Variants in MIS18BP1 observed in about 807,000 individuals in gnomAD.
MIS18BP1 encodes MIS18 binding protein 1, also known as mis18-binding protein 1.
Under a neutral mutation model 116.1 loss-of-function variants are expected in MIS18BP1, and 72 were observed. The observed-to-expected ratio is 0.62, with a 90% CI of 0.51 to 0.75. The LOEUF (loss-of-function observed/expected upper bound fraction) is 0.75, where lower values mean the gene tolerates loss of function less well. MIS18BP1 is among the 30% of genes least tolerant of loss of function. The probability of loss-of-function intolerance (pLI) is 0.00; values close to 1 mark genes in which losing one functional copy is unlikely to be tolerated. For synonymous variants in MIS18BP1, 386 were observed against 427.0 expected, an observed-to-expected ratio of 0.90 and a Z score of 1.18; for missense variants, 1,363 against 1,303.2, an observed-to-expected ratio of 1.05 and a Z score of -0.71.
At chr14:45,232,282 T>C (rs987658390) in intron 7 of MIS18BP1, among the ~76,000 whole-genome samples, 1 of 151,654 alleles carries the variant, frequency 6.6e-6, no homozygotes, top group Non-Finnish European at 1.5e-5. Flanking sequence ...CCAGGTGTGG[T>C]GGCGGGCGCC....
At chr14:45,240,339 G>GT (rs1188456838) in intron 4 of MIS18BP1, among the ~76,000 whole-genome samples, 3 of 152,128 alleles carry the variant, frequency 2.0e-5, no homozygotes, top group African/African-American at 4.8e-5. Context: ...AATATAAAGC[G>GT]TAACACTTCT....
At chr14:45,218,214 T>C (rs1890874377) in intron 12 of MIS18BP1, 68 bp downstream of exon 12, 2 of 1,435,008 alleles carry the variant, frequency 1.4e-6, no homozygotes, top group African/African-American at 1.4e-5. Flanking sequence ...ATATAAAATA[T>C]ATCTGATTTC....
Position 45,211,628 on chromosome 14 carries a change from G to A in MIS18BP1, c.3004-1100C>T, listed in dbSNP as rs117393296. On this transcript the variant is annotated intron_variant, in intron 13 of 16. Transcript: ENST00000310806. Reference sequence around the variant, plus strand: ...GTTATATTGGCTTCTTTTTACAAGCGGCAAGTAGTTGGACCCCTATTGCTG... The same window carrying A: ...GTTATATTGGCTTCTTTTTACAAGCAGCAAGTAGTTGGACCCCTATTGCTG... Among the ~76,000 whole-genome samples, 1,370 of 152,224 alleles carry A rather than the reference G, an allele frequency of 9.0e-3. 7 individuals carry two copies. Among genetic ancestry groups the A allele is most frequent in the Middle Eastern group, 0.014 (4 of 294 alleles).
chr14:45,237,330 T>C (rs983059764), intron 5 of MIS18BP1, among the ~76,000 whole-genome samples: 2 of 152,188 alleles, frequency 1.3e-5, no homozygotes, highest in Non-Finnish European at 1.5e-5. Flanking sequence ...CTGAAATGCA[T>C]GTAGTAAATA....
chr14:45,217,299 T>C, intron 12 of MIS18BP1, 120 bp from the exon 13 acceptor site: 1 of 1,222,316 alleles, frequency 8.2e-7, no homozygotes, highest in Non-Finnish European at 1.1e-6. Flanking sequence ...ACCAAAAAAC[T>C]CAGCCTTGGC....
intron 4 of MIS18BP1, among the ~76,000 whole-genome samples, chr14:45,241,026 G>A (rs377085026): frequency 6.6e-5 from 10 of 152,194 alleles, no homozygotes; most frequent in Admixed American, 1.3e-4. Flanking sequence ...AAATTTAGAT[G>A]GCTACAAGGG....
rs972691164 is a variant in MIS18BP1 at position 45,221,446 on chromosome 14, TAAATA to T, written c.2669+2467_2669+2471del. Among the ~76,000 whole-genome samples, 30 of 151,342 alleles carry T rather than the reference TAAATA, an allele frequency of 2.0e-4. No homozygotes were observed. The South Asian group carries it at 2.3e-3, about 12-fold the overall frequency. ...AGCAAGACTCCGTCTCAAAAATAAA[TAAATA>T]AAATAAAATAAAATAAAAGAATATT... On this transcript the variant is annotated intron_variant, in intron 11 of 16. Transcript: ENST00000310806.
intron 10 of MIS18BP1, 53 bp downstream of exon 10, chr14:45,226,689 AT>A: frequency 8.0e-7 from 1 of 1,256,970 alleles, no homozygotes; most frequent in Non-Finnish European, 1.0e-6. Flanking sequence ...TATTAAAAAC[AT>A]TTCACATAGT....
chr14:45,229,736 A>G (rs569682648), intron 8 of MIS18BP1, among the ~76,000 whole-genome samples: 26 of 152,328 alleles, frequency 1.7e-4, no homozygotes, highest in Non-Finnish European at 1.5e-5. Flanking sequence ...ACAAATGATT[A>G]AAAGTGAGAT....
chr14:45,207,670 C>G (rs915742539), intron 14 of MIS18BP1, among the ~76,000 whole-genome samples: 1 of 152,100 alleles, frequency 6.6e-6, no homozygotes, highest in African/African-American at 2.4e-5. Context: ...ATGAACAGGC[C>G]TAGCCAGTTG....
At chr14:45,222,866 G>C (rs1384415373) in intron 11 of MIS18BP1, among the ~76,000 whole-genome samples, 1 of 152,106 alleles carries the variant, frequency 6.6e-6, no homozygotes, top group Non-Finnish European at 1.5e-5. Flanking sequence ...TCACACAACT[G>C]AATTTTTGTC....
chr14:45,213,220 A>C (rs531536781), intron 13 of MIS18BP1, among the ~76,000 whole-genome samples: 22 of 152,210 alleles, frequency 1.4e-4, no homozygotes, highest in African/African-American at 5.3e-4. Flanking sequence ...GTTTCTTCTG[A>C]GGAGGTAAGA....
chr14:45,246,801 G>A lies in MIS18BP1; in HGVS notation c.486C>T (p.Tyr162=), dbSNP rs1300886689. 6.3e-7 allele frequency: 1 copy of A among 1,590,764 alleles called. No individual in the cohort carries two copies. The highest frequency in any genetic ancestry group is 1.4e-5 in the African/African-American group (1 of 73,156). ...TGTTGTTTTCCTTTTCTTCACATAG[G>A]TAGGTATGCTGCAATTTTTTTTTTT... ...RVEKKKLQHT[Y]LCEEKENNKS... The change falls in exon 2 of 17, where the codon TAC becomes TAT. Residue 162 remains tyrosine (Y), a synonymous_variant. Transcript: ENST00000310806.
intron 1 of MIS18BP1, among the ~76,000 whole-genome samples, chr14:45,248,114 G>T: frequency 7.2e-6 from 1 of 139,762 alleles, no homozygotes; most frequent in African/African-American, 2.7e-5. Flanking sequence ...TGCCCAGGCT[G>T]GAGTGCAGTG....
intron 4 of MIS18BP1, 152 bp from the exon 5 acceptor site, chr14:45,237,873 C>A: frequency 8.8e-7 from 1 of 1,141,130 alleles, no homozygotes; most frequent in Non-Finnish European, 1.2e-6. Context: ...TTCTAAATAG[C>A]AATAGGTAAA....
chr14:45,242,994 G>C, intron 2 of MIS18BP1, 120 bp from the exon 3 acceptor site: 1 of 617,692 alleles, frequency 1.6e-6, no homozygotes, highest in Non-Finnish European at 2.7e-6. Context: ...GACCAGTATA[G>C]TACTTTTGCA....
intron 1 of MIS18BP1, among the ~76,000 whole-genome samples, chr14:45,247,811 A>G (rs1003060584): frequency 6.6e-6 from 1 of 152,190 alleles, no homozygotes. Flanking sequence ...AGGCAGTTAA[A>G]TTTTAAGGCA....
intron 14 of MIS18BP1, 50 bp downstream of exon 14, chr14:45,210,330 C>T: frequency 1.9e-6 from 3 of 1,561,590 alleles, no homozygotes; most frequent in Non-Finnish European, 2.6e-6. Flanking sequence ...TTAAATGTTC[C>T]TCACTACTCT....
rs146125095 is a variant in MIS18BP1 at position 45,246,886 on chromosome 14, C to G, written c.401G>C (p.Ser134Thr). ...ACTTTTCTGTGGTTCCAACAAACTA[C>G]TGTTTCTTGATGGCTGTTCTTGCTT... is the stretch of plus-strand genomic sequence containing the variant. ...RDKQEQPSRN[S>T]SLLEPQKSGN... The change falls in exon 2 of 17, where the codon AGT (serine) becomes ACT (threonine). Residue 134 changes from serine to threonine, a missense_variant. Physicochemically the swap from Ser to Thr is moderately conservative, Grantham distance 58. Transcript: ENST00000310806. 4.3e-6 allele frequency: 7 copies of G among 1,612,588 alleles called. No homozygotes were observed. Among genetic ancestry groups the G allele is most frequent in the South Asian group, 1.1e-5 (1 of 90,598 alleles).
Sources: allele counts gnomAD v4.1 joint callset (sites outside exome capture counted in the v4.1 genomes callset), GRCh38; gene constraint gnomAD v4.1.1; transcripts MANE v1.5; gene names NCBI Gene and HGNC (gene_info 2026-07-23, HGNC 2026-07-21).